EEFSEC: variants seen among roughly 807,000 people sequenced by gnomAD.
EEFSEC encodes the protein eukaryotic elongation factor, selenocysteine-tRNA specific.
A neutral mutation model predicts 42.1 loss-of-function variants in EEFSEC; 43 were observed. That is an observed-to-expected ratio of 1.02 (90% CI 0.80 to 1.32). EEFSEC has a LOEUF of 1.32. Ranked by LOEUF, EEFSEC falls within the 40% of genes most tolerant of loss-of-function variation. The pLI is 0.00. For synonymous variants in EEFSEC, 354 were observed against 339.1 expected, an observed-to-expected ratio of 1.04 and a Z score of -0.48; for missense variants, 745 against 803.6, an observed-to-expected ratio of 0.93 and a Z score of 0.88.
rs372821418 is a variant in EEFSEC at position 128,270,344 on chromosome 3, CGGACCCCACTATGT to C, written c.786+5577_786+5590del. On this transcript the variant is annotated intron_variant, in intron 4 of 6. Coordinates refer to ENST00000254730, the MANE Select transcript of EEFSEC (RefSeq NM_021937.5). ...GTTATTGAAATGCAAATATGCTTTG[CGGACCCCACTATGT>C]GGACCCCACTATGGTCCACTATGAA... Among the ~76,000 whole-genome samples, 686 of 152,208 alleles carry C rather than the reference CGGACCCCACTATGT, an allele frequency of 4.5e-3. 4 individuals carry two copies. Among genetic ancestry groups the C allele is most frequent in the African/African-American group, 0.014 (601 of 41,502 alleles).
At chr3:128,380,529 C>T (rs1360514625) in intron 6 of EEFSEC, among the ~76,000 whole-genome samples, 1 of 152,202 alleles carries the variant, frequency 6.6e-6, no homozygotes, top group African/African-American at 2.4e-5. Flanking sequence ...GCCTCACACA[C>T]ATGTGCAGCT....
chr3:128,262,054 G>C (rs2066302445), intron 2 of EEFSEC, 74 bp from the exon 3 acceptor site: 2 of 1,391,256 alleles, frequency 1.4e-6, no homozygotes, highest in East Asian at 2.3e-5. Flanking sequence ...TACTGTGCCA[G>C]GTGCTTCATG....
chr3:128,402,395 G>A (rs532340693), intron 6 of EEFSEC, among the ~76,000 whole-genome samples: 1 of 152,332 alleles, frequency 6.6e-6, no homozygotes, highest in Non-Finnish European at 1.5e-5. Context: ...ACATTTTGCT[G>A]CAGCAAATAG....
At chr3:128,242,910 G>A (rs1284177196) in intron 1 of EEFSEC, among the ~76,000 whole-genome samples, 3 of 152,134 alleles carry the variant, frequency 2.0e-5, no homozygotes, top group Non-Finnish European at 2.9e-5. Context: ...TAGTCTCAGA[G>A]CGATTTTCTA....
At chr3:128,368,763 T>C (rs1221960023) in intron 6 of EEFSEC, among the ~76,000 whole-genome samples, 1 of 152,238 alleles carries the variant, frequency 6.6e-6, no homozygotes, top group Non-Finnish European at 1.5e-5. Context: ...TGTGCAAGGA[T>C]GCCCAGCATG....
chr3:128,222,125 C>T (rs35721343), intron 1 of EEFSEC, among the ~76,000 whole-genome samples: 18 of 151,058 alleles, frequency 1.2e-4, no homozygotes, highest in South Asian at 6.3e-4. Context: ...CCTCCCCCTC[C>T]GGGGTTCAAG....
At position 128,398,713 on chromosome 3, in the gene EEFSEC, G is replaced by A. The variant is rs544804300; in HGVS notation, c.1601-9356G>A. Among the ~76,000 whole-genome samples the A allele has an allele frequency of 3.9e-5, 6 of 152,328 alleles. 1 individual carries two copies. The South Asian group carries it at 1.2e-3, about 32-fold the overall frequency. Reference sequence around the variant, plus strand: ...ACCTTCTGAGCTGTCCCGAGAGGCTGGGCAGGCGCCCCACTCGCAGCTGTG... The same window carrying A: ...ACCTTCTGAGCTGTCCCGAGAGGCTAGGCAGGCGCCCCACTCGCAGCTGTG... On this transcript the variant is annotated intron_variant, in intron 6 of 6. Transcript: ENST00000254730.
rs1559885334 is a variant in EEFSEC, at chr3:128,247,158, T to C, written c.524+115T>C. ...GGTGTCAGCCTCCCGTCCTAGTAAG[T>C]GAGATCTCAACCTGGCATTTGCTCA... On this transcript the variant is annotated intron_variant, in intron 2 of 6. Coordinates refer to ENST00000254730, the MANE Select transcript of EEFSEC (RefSeq NM_021937.5). 5 of 1,084,918 alleles carry C rather than the reference T, an allele frequency of 4.6e-6. No individual in the cohort carries two copies. In the South Asian group the frequency reaches 7.3e-5, roughly 16 times the overall value. 67.2% of individuals were successfully genotyped at this position (1,084,918 alleles called of 1,614,324 possible). A position where few individuals can be genotyped will look rare whatever the true frequency, so the allele number is the denominator to read the frequency against.
chr3:128,357,403 G>A (rs2067467397), intron 5 of EEFSEC, among the ~76,000 whole-genome samples: 1 of 152,266 alleles, frequency 6.6e-6, no homozygotes, highest in Admixed American at 6.5e-5. Context: ...GACAGCAGCG[G>A]CCAACATGGC....
At chr3:128,156,598 T>C (rs1300924997) in intron 1 of EEFSEC, among the ~76,000 whole-genome samples, 1 of 152,244 alleles carries the variant, frequency 6.6e-6, no homozygotes, top group East Asian at 1.9e-4. Flanking sequence ...TATTTCAAAC[T>C]TTTCATCAAA....
chr3:128,266,395 G>A (rs2107936686), intron 4 of EEFSEC, among the ~76,000 whole-genome samples: 1 of 152,170 alleles, frequency 6.6e-6, no homozygotes, highest in African/African-American at 2.4e-5. Context: ...GAGCAGCATG[G>A]TTGGATATAG....
intron 5 of EEFSEC, among the ~76,000 whole-genome samples, chr3:128,354,612 C>A (rs1162038920): frequency 6.6e-6 from 1 of 152,212 alleles, no homozygotes; most frequent in African/African-American, 2.4e-5. Context: ...ACTTTGGGGT[C>A]ATCTCTGTCT....
chr3:128,268,005 C>G (rs2066373029), intron 4 of EEFSEC, among the ~76,000 whole-genome samples: 1 of 152,210 alleles, frequency 6.6e-6, no homozygotes, highest in Admixed American at 6.5e-5. Flanking sequence ...TAGAACAACT[C>G]AGCTACAAAC....
At chr3:128,362,721 C>T (rs2067542932) in intron 6 of EEFSEC, among the ~76,000 whole-genome samples, 2 of 152,212 alleles carry the variant, frequency 1.3e-5, no homozygotes, top group South Asian at 4.1e-4. Context: ...TGGAACAGAG[C>T]TGCAAGTGCT....
Position 128,341,366 on chromosome 3 carries a change from A to G in EEFSEC, c.920A>G (p.Glu307Gly). The change falls in exon 5 of 7, where the codon GAG becomes GGG. Residue 307 changes from glutamate (E) to glycine (G), a missense_variant. By Grantham distance (98) the Glu-to-Gly change is moderately conservative. Transcript: ENST00000254730. ...GAGCGCGGGTTGGTGTGTGCCCCCG[A>G]GTCCCTGCACACTGTCCATGCGGCC... Reference protein sequence around the residue: ...LLERGLVCAPESLHTVHAALI... With the variant: ...LLERGLVCAPGSLHTVHAALI... 1 of 1,614,070 alleles carries G rather than the reference A, an allele frequency of 6.2e-7. No homozygotes were observed. Among genetic ancestry groups the G allele is most frequent in the Non-Finnish European group, 8.5e-7 (1 of 1,179,996 alleles).
In EEFSEC at chr3:128,317,604, C is replaced by T. The variant is rs2066961287; in HGVS notation, c.787-23629C>T. Among the ~76,000 whole-genome samples the T allele has an allele frequency of 6.6e-6, 1 of 152,240 alleles. No homozygotes were observed. The highest frequency in any genetic ancestry group is 1.5e-5 in the Non-Finnish European group (1 of 68,040). ...TCGTTCTGACCTTTGTACTTCATCA[C>T]TCCTCACCCCTGTGTGGCATCTCAC... On this transcript the variant is annotated intron_variant, in intron 4 of 6. Coordinates refer to ENST00000254730, the MANE Select transcript of EEFSEC (RefSeq NM_021937.5). This position sits in a 1 kb window ranked among gnomAD's most constrained non-coding sequence, Gnocchi z 4.1.
intron 4 of EEFSEC, among the ~76,000 whole-genome samples, chr3:128,340,707 A>AGG (rs2067240596): frequency 6.6e-6 from 1 of 152,244 alleles, no homozygotes; most frequent in Non-Finnish European, 1.5e-5. Context: ...CTAAGGAGTC[A>AGG]GGGTCAAGTT....
intron 1 of EEFSEC, among the ~76,000 whole-genome samples, chr3:128,245,912 G>T (rs2066121972): frequency 6.6e-6 from 1 of 152,132 alleles, no homozygotes; most frequent in African/African-American, 2.4e-5. Context: ...TCACAGAGCA[G>T]TCTCCTCTGC....
At chr3:128,399,978 G>A (rs138492830) in intron 6 of EEFSEC, among the ~76,000 whole-genome samples, 143 of 152,228 alleles carry the variant, frequency 9.4e-4, no homozygotes, top group Non-Finnish European at 1.5e-3. Context: ...CTGGCTGGCC[G>A]CTGATAGATG....
Sources: allele counts gnomAD v4.1 joint callset (sites outside exome capture counted in the v4.1 genomes callset), GRCh38; gene constraint gnomAD v4.1.1; non-coding constraint Gnocchi (gnomAD v3.1); transcripts MANE v1.5; gene names NCBI Gene and HGNC (gene_info 2026-07-23, HGNC 2026-07-21).